The following GUCY1A2 variants were observed in gnomAD, a reference collection of about 807,000 sequenced individuals.
GUCY1A2 encodes guanylate cyclase 1 soluble subunit alpha 2, also known as guanylate cyclase soluble subunit alpha-2.
A neutral mutation model predicts 63.5 loss-of-function variants in GUCY1A2; 27 were observed. The observed-to-expected ratio is 0.43, with a 90% confidence interval of 0.31 to 0.59. The LOEUF is 0.59. GUCY1A2 is among the 20% of genes least tolerant of loss of function. GUCY1A2 has a pLI of 0.11. For synonymous variants in GUCY1A2, 364 were observed against 343.5 expected, an observed-to-expected ratio of 1.06 and a Z score of -0.66; for missense variants, 768 against 913.3, an observed-to-expected ratio of 0.84 and a Z score of 2.05.
chr11:106,679,557 AATG>A lies in GUCY1A2; in HGVS notation c.*7989_*7991del, dbSNP rs1487976712. On this transcript the variant is annotated 3_prime_UTR_variant, in exon 8 of 8. Coordinates refer to ENST00000526355, the MANE Select transcript of GUCY1A2 (RefSeq NM_000855.3). Reference sequence around the variant, plus strand: ...AACTAAGGGAATATGTAATTTATTTAATGTCAGAACAACAACAAATGTTTTTAA... The same window carrying A: ...AACTAAGGGAATATGTAATTTATTTATCAGAACAACAACAAATGTTTTTAA... The A allele has an allele frequency of 3.4e-5, 7 of 203,264 alleles. No homozygotes were observed. Among genetic ancestry groups the A allele is most frequent in the African/African-American group, 1.6e-4 (7 of 43,780 alleles). 12.6% of individuals were successfully genotyped at this position (203,264 alleles called of 1,614,324 possible).
At chr11:106,688,582 C>T (rs1299360980) in intron 7 of GUCY1A2, among the ~76,000 whole-genome samples, 1 of 151,932 alleles carries the variant, frequency 6.6e-6, no homozygotes, top group Non-Finnish European at 1.5e-5. Flanking sequence ...ATCTAAAAAG[C>T]TCACAGTTTT....
At chr11:106,975,897 T>C (rs1268915627) in intron 3 of GUCY1A2, among the ~76,000 whole-genome samples, 1 of 152,052 alleles carries the variant, frequency 6.6e-6, no homozygotes, top group East Asian at 1.9e-4. Context: ...TCGTTTTTAT[T>C]CCATGCCACC....
At chr11:106,748,337 C>T (rs1565276949) in intron 6 of GUCY1A2, among the ~76,000 whole-genome samples, 1 of 152,122 alleles carries the variant, frequency 6.6e-6, no homozygotes. Flanking sequence ...AGATAGGGCA[C>T]TAGGAAGCTC....
At chr11:106,971,219 A>ATATG (rs147769123) in intron 3 of GUCY1A2, among the ~76,000 whole-genome samples, 3 of 149,162 alleles carry the variant, frequency 2.0e-5, no homozygotes, top group Admixed American at 6.7e-5. Context: ...ACAAATTTAA[A>ATATG]TGTGTGTGTG....
intron 5 of GUCY1A2, 81 bp from the exon 6 acceptor site, chr11:106,776,663 G>T: frequency 7.5e-7 from 1 of 1,335,062 alleles, no homozygotes; most frequent in Non-Finnish European, 1.1e-6. Flanking sequence ...AATCACAAAT[G>T]TTGCTGAAAA....
intron 4 of GUCY1A2, among the ~76,000 whole-genome samples, chr11:106,840,126 T>C (rs772877957): frequency 6.6e-6 from 1 of 151,934 alleles, no homozygotes; most frequent in Non-Finnish European, 1.5e-5. Context: ...GTTGTGTCCC[T>C]CCATCTATAC....
chr11:106,761,095 A>C (rs1035073241), intron 6 of GUCY1A2, among the ~76,000 whole-genome samples: 3 of 152,070 alleles, frequency 2.0e-5, no homozygotes, highest in Admixed American at 1.3e-4. Flanking sequence ...AAAAAGAAAA[A>C]CTACAATATT....
intron 7 of GUCY1A2, among the ~76,000 whole-genome samples, chr11:106,692,201 T>C (rs1257501015): frequency 6.6e-6 from 1 of 152,164 alleles, no homozygotes; most frequent in Non-Finnish European, 1.5e-5. Flanking sequence ...AGATTCTATA[T>C]AAATCTAAAT....
At chr11:106,758,483 T>C (rs1311652633) in intron 6 of GUCY1A2, among the ~76,000 whole-genome samples, 1 of 152,170 alleles carries the variant, frequency 6.6e-6, no homozygotes, top group African/African-American at 2.4e-5. Flanking sequence ...CTGCCCTGCT[T>C]CGGTTCGCCC....
At chr11:106,720,129 C>G (rs907306165) in intron 6 of GUCY1A2, among the ~76,000 whole-genome samples, 37 of 152,286 alleles carry the variant, frequency 2.4e-4, no homozygotes, top group African/African-American at 8.4e-4. Context: ...AACTGTGAAC[C>G]CTCCTCAGAC....
intron 4 of GUCY1A2, among the ~76,000 whole-genome samples, chr11:106,917,308 G>A (rs1025727269): frequency 1.4e-5 from 2 of 145,368 alleles, no homozygotes; most frequent in African/African-American, 4.9e-5. Flanking sequence ...AGCATATTAG[G>A]AAAAGATGCA....
chr11:106,850,021 A>G (rs757240304), intron 4 of GUCY1A2, among the ~76,000 whole-genome samples: 1 of 151,746 alleles, frequency 6.6e-6, no homozygotes, highest in Non-Finnish European at 1.5e-5. Flanking sequence ...GAAACTTTGT[A>G]TTCCATTAGC....
intron 1 of GUCY1A2, among the ~76,000 whole-genome samples, chr11:107,008,212 G>C (rs1256965190): frequency 7.0e-6 from 1 of 142,284 alleles, no homozygotes; most frequent in African/African-American, 2.5e-5. Flanking sequence ...CCGGTGGGCA[G>C]AGGCTGTGGT....
intron 1 of GUCY1A2, among the ~76,000 whole-genome samples, chr11:107,017,252 A>C (rs1861836050): frequency 6.6e-6 from 1 of 152,204 alleles, no homozygotes; most frequent in Admixed American, 6.5e-5. Context: ...TAGCCTGTGG[A>C]ATTCAAAGAT....
chr11:106,699,372 T>C (rs1444708216), intron 7 of GUCY1A2, among the ~76,000 whole-genome samples: 2 of 152,240 alleles, frequency 1.3e-5, no homozygotes, highest in South Asian at 2.1e-4. Flanking sequence ...TTTTAGATAA[T>C]GTGGAAAATT....
intron 4 of GUCY1A2, among the ~76,000 whole-genome samples, chr11:106,923,989 A>G (rs1860484935): frequency 6.6e-6 from 1 of 152,200 alleles, no homozygotes; most frequent in African/African-American, 2.4e-5. Flanking sequence ...AATAAAATAT[A>G]TATTCTTAAA....
intron 6 of GUCY1A2, among the ~76,000 whole-genome samples, chr11:106,726,499 A>T (rs1863410499): frequency 6.6e-6 from 1 of 152,178 alleles, no homozygotes; most frequent in African/African-American, 2.4e-5. Flanking sequence ...ATTAAGTAGC[A>T]CATTGGCAGA....
chr11:106,786,504 CT>C (rs1297369518), intron 5 of GUCY1A2, among the ~76,000 whole-genome samples: 1 of 152,198 alleles, frequency 6.6e-6, no homozygotes, highest in Non-Finnish European at 1.5e-5. Flanking sequence ...CTCAGTAGGT[CT>C]TTCAATGTGC....
intron 5 of GUCY1A2, among the ~76,000 whole-genome samples, chr11:106,807,538 T>A (rs1858708129): frequency 6.6e-6 from 1 of 152,162 alleles, no homozygotes; most frequent in East Asian, 1.9e-4. Flanking sequence ...TCCCTAATCC[T>A]GAATAAGCAG....
Sources: gnomAD v4.1 joint callset for allele counts (sites outside exome capture counted in the v4.1 genomes callset) on GRCh38, gnomAD v4.1.1 for gene constraint, MANE v1.5 for transcripts, NCBI Gene and HGNC (gene_info 2026-07-23, HGNC 2026-07-21) for gene names.